HLF: variants seen among roughly 807,000 people sequenced by gnomAD.
The protein encoded by HLF is hepatic leukemia factor.
HLF carries 3 observed loss-of-function variants against 22.6 expected under a neutral mutation model. The ratio of observed to expected loss-of-function variants is 0.13; its 90% CI spans 0.06 to 0.34. The LOEUF (loss-of-function observed/expected upper bound fraction) is 0.34. Among genes scored for constraint, HLF ranks in the 10% least tolerant of loss-of-function variants. HLF has a pLI of 1.00. For synonymous variants in HLF, 151 were observed against 151.8 expected (o/e 0.99, Z 0.04); for missense variants, 299 against 389.2 (o/e 0.77, Z 1.95).
rs2080776137 is a variant in HLF at position 55,265,203 on chromosome 17, G to A, written c.-282G>A. On this transcript the variant is annotated 5_prime_UTR_variant, in exon 1 of 4. Transcript: ENST00000226067. ...GAACATTTTGCAAAACGAGGGGTTC[G>A]AGGCAGGTGAGAGCATCCTGCACGT... is the stretch of plus-strand genomic sequence containing the variant. 6.6e-6 allele frequency: 2 copies of A among 304,226 alleles called. No homozygotes were observed. The highest frequency in any genetic ancestry group is 5.1e-5 in the Admixed American group (1 of 19,722). The allele number at this position is 304,226 out of a possible 1,614,324, so 18.8% of individuals were successfully genotyped here.
Position 55,315,441 on chromosome 17 carries a change from C to T in HLF, c.666C>T (p.Asp222=), listed in dbSNP as rs1598409780. Residue 222 remains aspartate (D), a synonymous_variant, in exon 3 of 4, where the codon GAC becomes GAT. Coordinates refer to ENST00000226067, the MANE Select transcript of HLF (RefSeq NM_002126.5). ...CTCGCAAAGTCTTCATCCCTGATGACCTGAAGGTAAATTGGAACTGGTAAT... is the reference window on the plus strand; with the variant it reads ...CTCGCAAAGTCTTCATCCCTGATGATCTGAAGGTAAATTGGAACTGGTAAT... ...KKARKVFIPD[D]LKDDKYWARR... is the part of the protein sequence containing the mutation. The T allele has an allele frequency of 6.2e-7, 1 of 1,611,840 alleles. No individual in the cohort carries two copies. The highest frequency in any genetic ancestry group is 1.7e-4 in the Middle Eastern group (1 of 6,060).
intron 2 of HLF, among the ~76,000 whole-genome samples, chr17:55,295,295 T>C (rs2081101708): frequency 6.6e-6 from 1 of 152,252 alleles, no homozygotes; most frequent in East Asian, 1.9e-4. Context: ...TGTTGAGTTT[T>C]TCTTGGCTGA....
At chr17:55,279,953 G>A (rs888901417) in intron 2 of HLF, among the ~76,000 whole-genome samples, 15 of 152,192 alleles carry the variant, frequency 9.9e-5, no homozygotes, top group African/African-American at 1.9e-4. Context: ...CGGCCAACCC[G>A]CAAAGGTGGT....
chr17:55,318,283 A>G (rs973503020), intron 3 of HLF, among the ~76,000 whole-genome samples: 10 of 152,166 alleles, frequency 6.6e-5, no homozygotes, highest in African/African-American at 2.2e-4. Flanking sequence ...TTTCTAGTCC[A>G]GGACACTCCT....
chr17:55,314,216 A>G (rs1002178487), intron 2 of HLF, among the ~76,000 whole-genome samples: 16 of 152,206 alleles, frequency 1.1e-4, no homozygotes, highest in African/African-American at 3.9e-4. Flanking sequence ...TGAGAAACAC[A>G]AGAAACCCAT....
chr17:55,305,445 G>T (rs549469856), intron 2 of HLF, among the ~76,000 whole-genome samples: 3 of 152,110 alleles, frequency 2.0e-5, no homozygotes, highest in African/African-American at 7.2e-5. Context: ...TCTGGGGTTT[G>T]CCAACTCTTG....
intron 2 of HLF, among the ~76,000 whole-genome samples, chr17:55,304,751 C>A (rs1191575100): frequency 6.6e-6 from 1 of 152,160 alleles, no homozygotes; most frequent in Non-Finnish European, 1.5e-5. Context: ...TGTGGACTCT[C>A]CACCTACCAA....
intron 2 of HLF, among the ~76,000 whole-genome samples, chr17:55,305,384 G>T (rs115534497): frequency 0.02 from 3,004 of 152,322 alleles, 99 homozygotes; most frequent in African/African-American, 0.068. Flanking sequence ...ATGCCTGGCT[G>T]CCTGGAGCTT....
intron 2 of HLF, among the ~76,000 whole-genome samples, chr17:55,292,773 A>G (rs2081075817): frequency 6.6e-6 from 1 of 152,254 alleles, no homozygotes; most frequent in Admixed American, 6.5e-5. Flanking sequence ...GACAAAGAAA[A>G]TATGGCATAC....
At chr17:55,300,016 T>A (rs982063525) in intron 2 of HLF, among the ~76,000 whole-genome samples, 6 of 152,122 alleles carry the variant, frequency 3.9e-5, no homozygotes, top group Non-Finnish European at 1.5e-5. Context: ...TTGAAAAATA[T>A]GTTTTAGAGA....
At position 55,322,374 on chromosome 17, in the gene HLF, G is replaced by A. The variant is rs1260031256; in HGVS notation, c.*1495G>A. The A allele has an allele frequency of 1.0e-5, 2 of 191,250 alleles. No homozygotes were observed. The highest frequency in any genetic ancestry group is 2.2e-5 in the Non-Finnish European group (2 of 91,118). 11.8% of individuals were successfully genotyped at this position (191,250 alleles called of 1,614,324 possible). A position where few individuals can be genotyped will look rare whatever the true frequency, so the allele number is the denominator to read the frequency against. On this transcript the variant is annotated 3_prime_UTR_variant, in exon 4 of 4. Transcript: ENST00000226067. Reference sequence around the variant, plus strand: ...TAAATACTGACAATGTATTTTGGAAGACATATATTATATATAGAAAAGAGG... The same window carrying A: ...TAAATACTGACAATGTATTTTGGAAAACATATATTATATATAGAAAAGAGG...
At position 55,320,590 on chromosome 17, in the gene HLF, G is replaced by A. The variant is rs575671917; in HGVS notation, c.673-74G>A. On this transcript the variant is annotated intron_variant, in intron 3 of 3. Transcript: ENST00000226067. The surrounding 1 kb of genome is among the most constrained non-coding windows in gnomAD (Gnocchi z 4.2). The stretch of plus-strand genomic sequence containing the variant: ...CTCTGCACAATCCTGGAGCCTGCCC[G>A]TGCCCTGGCTGGCACTGGGCTTTGC... 31 of 1,372,356 alleles carry A rather than the reference G, an allele frequency of 2.3e-5. No homozygotes were observed. The East Asian group carries it at 5.0e-4, about 22-fold the overall frequency. The allele number at this position is 1,372,356 out of a possible 1,614,324, so 85.0% of individuals were successfully genotyped here.
At chr17:55,294,358 TG>T (rs1157623168) in intron 2 of HLF, among the ~76,000 whole-genome samples, 2 of 152,196 alleles carry the variant, frequency 1.3e-5, no homozygotes, top group Non-Finnish European at 2.9e-5. Context: ...ATGGATGTGT[TG>T]GGCATCAGCT....
At chr17:55,272,046 G>A (rs1040539185) in intron 2 of HLF, 1 of 152,244 alleles carries the variant, frequency 6.6e-6, no homozygotes, top group Admixed American at 6.5e-5. Flanking sequence ...TCTTAATGAA[G>A]GGAAGAGTAG....
intron 2 of HLF, among the ~76,000 whole-genome samples, chr17:55,288,439 C>T (rs1375003163): frequency 1.3e-5 from 2 of 152,102 alleles, no homozygotes; most frequent in Non-Finnish European, 2.9e-5. Flanking sequence ...TGAGCCACCA[C>T]GCCCGGCCAG....
chr17:55,285,653 G>C (rs1297792164), intron 2 of HLF, among the ~76,000 whole-genome samples: 1 of 152,174 alleles, frequency 6.6e-6, no homozygotes, highest in African/African-American at 2.4e-5. Context: ...GGCTCTTGCA[G>C]TCACGTGGAG....
chr17:55,304,278 C>A (rs140575190), intron 2 of HLF, among the ~76,000 whole-genome samples: 1,567 of 152,254 alleles, frequency 0.01, 15 homozygotes, highest in Non-Finnish European at 0.016. Context: ...CACGGTGACC[C>A]CACATGTCTG....
chr17:55,316,173 C>A (rs1598410069), intron 3 of HLF, among the ~76,000 whole-genome samples: 1 of 152,318 alleles, frequency 6.6e-6, no homozygotes, highest in Non-Finnish European at 1.5e-5. Flanking sequence ...GATGAAAATT[C>A]TTTCCAAAAT....
chr17:55,295,669 C>T (rs978622034), intron 2 of HLF, among the ~76,000 whole-genome samples: 6 of 152,244 alleles, frequency 3.9e-5, no homozygotes, highest in African/African-American at 1.4e-4. Context: ...GGCAGGCAAA[C>T]TCGTGGTACT....
Sources: allele counts gnomAD v4.1 joint callset (sites outside exome capture counted in the v4.1 genomes callset), GRCh38; gene constraint gnomAD v4.1.1; non-coding constraint Gnocchi (gnomAD v3.1); transcripts MANE v1.5; gene names NCBI Gene and HGNC (gene_info 2026-07-23, HGNC 2026-07-21).